Variants in DCHS2 observed in about 807,000 individuals in gnomAD.
DCHS2 encodes protocadherin-23.
Under a neutral mutation model 182.4 loss-of-function variants are expected in DCHS2, and 142 were observed. The ratio of observed to expected loss-of-function variants is 0.78; its 90% CI spans 0.68 to 0.89. The LOEUF (loss-of-function observed/expected upper bound fraction) is 0.89. DCHS2 is among the 40% of genes least tolerant of loss of function. DCHS2 has a pLI of 0.00. For synonymous variants in DCHS2, 1,740 were observed against 1,663.3 expected (o/e 1.05, Z -1.12); for missense variants, 4,319 against 4,198.6 (o/e 1.03, Z -0.79).
Position 154,259,605 on chromosome 4 carries a change from T to C in DCHS2, c.6729A>G (p.Glu2243=). ...ACACTGATGCCTGGTAAATGCTTTGTTCAAAGCATGGTGAATTATCATTCT... is the reference window on the plus strand; with the variant it reads ...ACACTGATGCCTGGTAAATGCTTTGCTCAAAGCATGGTGAATTATCATTCT... ...QDENDNSPCF[E]QSIYQASVSE... is the part of the protein sequence containing the mutation. Residue 2243 remains glutamate, a synonymous_variant, in exon 15 of 20, where the codon GAA becomes GAG. Transcript: ENST00000357232. 1 of 1,614,002 alleles carries C rather than the reference T, an allele frequency of 6.2e-7. No homozygotes were observed. Among genetic ancestry groups the C allele is most frequent in the Non-Finnish European group, 8.5e-7 (1 of 1,179,980 alleles).
chr4:154,388,474 A>G (rs1731517259), intron 1 of DCHS2, among the ~76,000 whole-genome samples: 1 of 150,712 alleles, frequency 6.6e-6, no homozygotes, highest in African/African-American at 2.4e-5. Context: ...TTCTTTCCCA[A>G]ATTTTCAAAA....
chr4:154,442,977 C>T (rs555314866), intron 1 of DCHS2, among the ~76,000 whole-genome samples: 1 of 152,186 alleles, frequency 6.6e-6, no homozygotes, highest in Admixed American at 6.5e-5. Context: ...ATGCCAATAA[C>T]TGCACCATCT....
chr4:154,390,294 T>C (rs1432271642), intron 1 of DCHS2, among the ~76,000 whole-genome samples: 3 of 116,774 alleles, frequency 2.6e-5, no homozygotes, highest in Non-Finnish European at 4.9e-5. Flanking sequence ...GTCCCCAGAG[T>C]GTGATGTTCC....
intron 13 of DCHS2, among the ~76,000 whole-genome samples, chr4:154,292,530 T>G (rs543705217): frequency 1.3e-5 from 2 of 152,334 alleles, no homozygotes; most frequent in Non-Finnish European, 2.9e-5. Flanking sequence ...TGGTATCTAT[T>G]CTTGGCCCAA....
chr4:154,406,424 C>T (rs142075104), intron 1 of DCHS2, among the ~76,000 whole-genome samples: 1 of 152,370 alleles, frequency 6.6e-6, no homozygotes, highest in African/African-American at 2.4e-5. Flanking sequence ...TCAAGAATCC[C>T]AGTCCTGCTC....
chr4:154,240,835 A>G lies in DCHS2; in HGVS notation c.7073-12T>C. ...ACCAGGCAAAGAATCTGAAATAGTCATGACCAGTGTCAGTCTCCATTAAAA... is the reference window on the plus strand; with the variant it reads ...ACCAGGCAAAGAATCTGAAATAGTCGTGACCAGTGTCAGTCTCCATTAAAA... On this transcript the variant is annotated splice_polypyrimidine_tract_variant and intron_variant, in intron 17 of 19. Transcript: ENST00000357232. The G allele has an allele frequency of 6.2e-7, 1 of 1,612,468 alleles. No homozygotes were observed. The highest frequency in any genetic ancestry group is 8.5e-7 in the Non-Finnish European group (1 of 1,179,186).
At chr4:154,405,142 C>T (rs536291098) in intron 1 of DCHS2, among the ~76,000 whole-genome samples, 4 of 152,084 alleles carry the variant, frequency 2.6e-5, no homozygotes, top group African/African-American at 4.8e-5. Context: ...CCCATCTGCT[C>T]GGGAGGCAGA....
At chr4:154,283,992 A>T (rs1011966440) in intron 13 of DCHS2, among the ~76,000 whole-genome samples, 2 of 152,326 alleles carry the variant, frequency 1.3e-5, no homozygotes, top group African/African-American at 4.8e-5. Flanking sequence ...TATGTGAGTA[A>T]TTCTCAACTT....
chr4:154,309,284 C>T (rs1055523776), intron 10 of DCHS2, among the ~76,000 whole-genome samples: 1 of 152,232 alleles, frequency 6.6e-6, no homozygotes, highest in East Asian at 1.9e-4. Flanking sequence ...AACTACATTC[C>T]CCATTGCCAA....
chr4:154,268,229 TTC>T (rs1560998401), intron 14 of DCHS2, among the ~76,000 whole-genome samples: 11 of 125,868 alleles, frequency 8.7e-5, no homozygotes, highest in South Asian at 8.4e-4. Context: ...ACCTTTCACT[TTC>T]CCCCCCCCAA....
rs377758583 is a variant in DCHS2 at position 154,341,203 on chromosome 4, C to G, written c.2477-6099G>C. On this transcript the variant is annotated intron_variant, in intron 3 of 19. Coordinates refer to ENST00000357232, the MANE Select transcript of DCHS2 (RefSeq NM_001358235.2). Reference sequence around the variant, plus strand: ...CTAACACAGTGAAACTCCGTCTCTCCTAAAAATACAAAAAAATTAGCCGGG... The same window carrying G: ...CTAACACAGTGAAACTCCGTCTCTCGTAAAAATACAAAAAAATTAGCCGGG... Among the ~76,000 whole-genome samples the G allele has an allele frequency of 1.8e-3, 267 of 151,940 alleles. 12 individuals are homozygous for G. In the South Asian group the frequency reaches 0.054, roughly 31 times the overall value.
At chr4:154,339,175 G>T (rs1350381603) in intron 3 of DCHS2, among the ~76,000 whole-genome samples, 1 of 151,308 alleles carries the variant, frequency 6.6e-6, no homozygotes, top group Non-Finnish European at 1.5e-5. Flanking sequence ...GATGGCCTGA[G>T]AGCCAGGAGC....
chr4:154,337,756 A>ATTG (rs1441211819), intron 3 of DCHS2, among the ~76,000 whole-genome samples: 1 of 151,738 alleles, frequency 6.6e-6, no homozygotes, highest in African/African-American at 2.4e-5. Flanking sequence ...TATTATTATT[A>ATTG]TTGAGATGAA....
intron 19 of DCHS2, chr4:154,237,570 T>C (rs1213338712): frequency 6.3e-6 from 1 of 158,810 alleles, no homozygotes; most frequent in Admixed American, 6.2e-5. Flanking sequence ...CTTGTTGATA[T>C]TCAAGCCAAA....
chr4:154,267,568 C>A (rs139229829), intron 14 of DCHS2, among the ~76,000 whole-genome samples: 158 of 152,270 alleles, frequency 1.0e-3, no homozygotes, highest in African/African-American at 3.5e-3. Flanking sequence ...GGGTTCTTCA[C>A]TTTGTATACT....
rs150558809 is a variant in DCHS2, at chr4:154,350,264, T to C, written c.2477-15160A>G. 3.7e-3 allele frequency among the ~76,000 whole-genome samples: 567 copies of C among 152,320 alleles called. 5 individuals carry two copies. The highest frequency in any genetic ancestry group is 0.013 in the African/African-American group (551 of 41,562). ...TACCCTGAATTTCTTTGATTTTAAT[T>C]ACCTTAACATGAAAGCTCTCATCAC... On this transcript the variant is annotated intron_variant, in intron 3 of 19. Coordinates refer to ENST00000357232, the MANE Select transcript of DCHS2 (RefSeq NM_001358235.2).
intron 1 of DCHS2, among the ~76,000 whole-genome samples, chr4:154,465,537 C>A (rs778461369): frequency 1.3e-5 from 2 of 152,080 alleles, no homozygotes; most frequent in East Asian, 3.9e-4. Context: ...GGCATGGTGG[C>A]GCACCCCTGT....
chr4:154,366,117 G>GA (rs925289508), intron 3 of DCHS2, 93 bp downstream of exon 3: 21 of 978,142 alleles, frequency 2.1e-5, no homozygotes, highest in African/African-American at 6.5e-5. Flanking sequence ...CCCCATTATT[G>GA]AAAAAAAGTC....
Position 154,490,728 on chromosome 4 carries a change from A to G in DCHS2, c.628T>C (p.Ser210Pro), listed in dbSNP as rs1457447684. The change falls in exon 1 of 20, where the codon TCC becomes CCC. Residue 210 changes from serine to proline, a missense_variant. Ser to Pro is a moderately conservative substitution (Grantham distance 74). Transcript: ENST00000357232. ...STQGYTLVQP[S>P]DLPKDPAGPF... ...CCTGCGGGGTCCTTGGGCAGGTCGG[A>G]CGGTTGCACCAGGGTGTAGCCCTGA... is the stretch of plus-strand genomic sequence containing the variant. The G allele has an allele frequency of 3.9e-6, 6 of 1,551,586 alleles. No individual in the cohort carries two copies. The highest frequency in any genetic ancestry group is 5.2e-6 in the Non-Finnish European group (6 of 1,146,894).
Sources: gnomAD v4.1 joint callset for allele counts (sites outside exome capture counted in the v4.1 genomes callset) on GRCh38, gnomAD v4.1.1 for gene constraint, MANE v1.5 for transcripts, NCBI Gene and HGNC (gene_info 2026-07-23, HGNC 2026-07-21) for gene names.